The following ACER1 variants were observed in gnomAD, a reference collection of about 807,000 sequenced individuals.
ACER1 encodes the protein alkaline ceramidase 1, also known as CTB-180A7.3.
Under a neutral mutation model 24.9 loss-of-function variants are expected in ACER1, and 28 were observed. The ratio of observed to expected loss-of-function variants is 1.13; its 90% CI spans 0.83 to 1.54. ACER1 has a LOEUF of 1.54. Ranked by LOEUF, ACER1 falls within the 40% of genes most tolerant of loss-of-function variation. The pLI is 0.00. For synonymous variants in ACER1, 132 were observed against 131.4 expected (o/e 1.00, Z -0.03); for missense variants, 352 against 349.3 (o/e 1.01, Z -0.06).
chr19:6,312,542 G>C, intron 1 of ACER1, 43 bp from the exon 2 acceptor site: 2 of 1,498,966 alleles, frequency 1.3e-6, no homozygotes, highest in South Asian at 2.3e-5. Context: ...TCAGATAGGG[G>C]AGACGGAGGA....
chr19:6,337,664 T>TC (rs2091720298), upstream of ACER1, among the ~76,000 whole-genome samples: 1 of 51,498 alleles, frequency 1.9e-5, no homozygotes, highest in African/African-American at 1.4e-4. Flanking sequence ...TTTCTTTCTT[T>TC]TTTTTTTTTT....
At chr19:6,358,725 C>T in the ACER1 span, among the ~76,000 whole-genome samples, 2 of 151,048 alleles carry the variant, frequency 1.3e-5, no homozygotes, top group South Asian at 2.1e-4. Context: ...CCTGAGGTCG[C>T]GAGTTCGAGA....
the ACER1 span, chr19:6,360,338 T>C: frequency 6.6e-6 from 1 of 151,046 alleles, no homozygotes; most frequent in Admixed American, 6.6e-5. Flanking sequence ...CTAAGTCCTC[T>C]CTGGGACCCC....
At chr19:6,344,631 A>AG in the ACER1 span, among the ~76,000 whole-genome samples, 8,559 of 151,354 alleles carry the variant, frequency 0.057, 405 homozygotes, top group African/African-American at 0.13. Context: ...CCTGACCTCA[A>AG]GTGATCCGCC....
At chr19:6,322,389 T>C (rs1182186094) in intron 1 of ACER1, among the ~76,000 whole-genome samples, 1 of 152,172 alleles carries the variant, frequency 6.6e-6, no homozygotes, top group Non-Finnish European at 1.5e-5. Context: ...AGCAGAAATA[T>C]GTAGCAGCTC....
At chr19:6,324,844 G>C (rs201801390) in intron 1 of ACER1, among the ~76,000 whole-genome samples, 1 of 123,904 alleles carries the variant, frequency 8.1e-6, no homozygotes, top group Non-Finnish European at 1.7e-5. Flanking sequence ...AAGGAAGGAA[G>C]GAAAGAGAGA....
At chr19:6,349,452 G>GAAAGGAAA in the ACER1 span, among the ~76,000 whole-genome samples, 1 of 136,864 alleles carries the variant, frequency 7.3e-6, no homozygotes, top group Admixed American at 7.3e-5. Context: ...GAGGAAAGAA[G>GAAAGGAAA]GAAGGAAGGA....
rs571184823 is a variant in ACER1 at position 6,330,150 on chromosome 19, C to T, written c.93+3309G>A. Among the ~76,000 whole-genome samples, 8 of 149,142 alleles carry T rather than the reference C, an allele frequency of 5.4e-5. No homozygotes were observed. In the South Asian group the frequency reaches 6.4e-4, roughly 12 times the overall value. ...CCTCCCAAAGTGCTGGGATTACAGG[C>T]GTGAGCCACCACGCCCGGCTAATTT... On this transcript the variant is annotated intron_variant, in intron 1 of 5. Coordinates refer to ENST00000301452, the MANE Select transcript of ACER1 (RefSeq NM_133492.3).
rs1332047069 is a variant in ACER1, at chr19:6,306,817, T to C, written c.692A>G (p.Tyr231Cys). The C allele has an allele frequency of 1.9e-6, 3 of 1,614,126 alleles. No homozygotes were observed. Among genetic ancestry groups the C allele is most frequent in the South Asian group, 2.2e-5 (2 of 91,082 alleles). The change falls in exon 6 of 6, where the codon TAT becomes TGT. Residue 231 changes from tyrosine to cysteine, a missense_variant. Tyr to Cys is a radical substitution (Grantham distance 194, BLOSUM62 -2). Transcript: ENST00000301452. ...TTTGAGGGTTTCACCTGGCATCTCA[T>C]AGTTGGCATCCACCAAGGCCATGGT... ...MVTMALVDAN[Y>C]EMPGETLKVR...
At chr19:6,337,639 C>CT (rs1438979170), upstream of ACER1, among the ~76,000 whole-genome samples, 141 of 58,074 alleles carry the variant, frequency 2.4e-3, 2 homozygotes, top group African/African-American at 8.9e-3. Flanking sequence ...TTTTCTTTTT[C>CT]TTTTCTTTTC....
In ACER1 at chr19:6,306,798, G is replaced by A. The variant is rs2091554413; in HGVS notation, c.711C>T (p.Thr237=). ...VDANYEMPGE[T]LKVRYWPRDS... The stretch of plus-strand genomic sequence containing the variant: ...CCCGAGGCCAGTAGCGGACTTTGAG[G>A]GTTTCACCTGGCATCTCATAGTTGG... Residue 237 remains threonine, a synonymous_variant, in exon 6 of 6, where the codon ACC becomes ACT. Transcript: ENST00000301452. The A allele has an allele frequency of 3.1e-6, 5 of 1,614,186 alleles. No homozygotes were observed. In the East Asian group the frequency reaches 1.1e-4, roughly 36 times the overall value.
chr19:6,328,165 G>A (rs1023173035), intron 1 of ACER1, among the ~76,000 whole-genome samples: 1 of 151,572 alleles, frequency 6.6e-6, no homozygotes, highest in East Asian at 1.9e-4. Flanking sequence ...GCATAGTTGC[G>A]TAGTTGAGAC....
At chr19:6,331,719 G>A (rs1014245650) in intron 1 of ACER1, among the ~76,000 whole-genome samples, 2 of 151,656 alleles carry the variant, frequency 1.3e-5, no homozygotes, top group African/African-American at 4.8e-5. Context: ...GCTTGAACGC[G>A]GGAGGCAGAG....
the ACER1 span, among the ~76,000 whole-genome samples, chr19:6,340,350 AG>A: frequency 6.9e-6 from 1 of 145,366 alleles, no homozygotes; most frequent in Non-Finnish European, 1.5e-5. Context: ...GAAGGAAGGA[AG>A]GAAGGAAGGA....
chr19:6,307,124 C>T, intron 5 of ACER1, 29 bp downstream of exon 5: 2 of 1,610,876 alleles, frequency 1.2e-6, no homozygotes, highest in Non-Finnish European at 1.7e-6. Context: ...TGACTCTGGG[C>T]CCCCCACAGC....
chr19:6,339,898 C>T, the ACER1 span, among the ~76,000 whole-genome samples: 10 of 151,936 alleles, frequency 6.6e-5, no homozygotes, highest in Admixed American at 5.2e-4. Flanking sequence ...ATCTCCTGAC[C>T]TCATGATCCG....
the ACER1 span, among the ~76,000 whole-genome samples, chr19:6,356,644 C>T: frequency 4.6e-5 from 7 of 151,836 alleles, no homozygotes; most frequent in East Asian, 1.4e-3. Flanking sequence ...ATAATTTTAC[C>T]TCCAAAATAT....
At chr19:6,350,371 T>A in the ACER1 span, among the ~76,000 whole-genome samples, 1 of 151,838 alleles carries the variant, frequency 6.6e-6, no homozygotes, top group African/African-American at 2.4e-5. Context: ...CTGCACGTTG[T>A]GCACATGTAC....
intron 1 of ACER1, among the ~76,000 whole-genome samples, chr19:6,333,054 G>A (rs941015280): frequency 2.0e-5 from 3 of 152,060 alleles, no homozygotes; most frequent in African/African-American, 4.8e-5. Context: ...CTGCAAACAA[G>A]ACAGACACAA....
Sources: gnomAD v4.1 joint callset for allele counts (sites outside exome capture counted in the v4.1 genomes callset) on GRCh38, gnomAD v4.1.1 for gene constraint, MANE v1.5 for transcripts, NCBI Gene and HGNC (gene_info 2026-07-23, HGNC 2026-07-21) for gene names.